Variants in DPYD observed in about 807,000 individuals in gnomAD.
DPYD encodes dihydropyrimidine dehydrogenase [NADP(+)].
Under a neutral mutation model 116.2 loss-of-function variants are expected in DPYD, and 109 were observed. The ratio of observed to expected loss-of-function variants is 0.94; its 90% confidence interval spans 0.80 to 1.10. DPYD has a LOEUF of 1.10. DPYD is among the 50% of genes least tolerant of loss of function. DPYD has a pLI of 0.00. For synonymous variants in DPYD, 440 were observed against 432.0 expected, an observed-to-expected ratio of 1.02 and a Z score of -0.23; for missense variants, 1,302 against 1,254.5, an observed-to-expected ratio of 1.04 and a Z score of -0.57.
At chr1:97,163,034 G>C (rs1178756381) in intron 20 of DPYD, among the ~76,000 whole-genome samples, 5 of 151,318 alleles carry the variant, frequency 3.3e-5, no homozygotes, top group Non-Finnish European at 7.4e-5. Flanking sequence ...AACCCTAGAA[G>C]AAAACCTAGG....
intron 1 of DPYD, among the ~76,000 whole-genome samples, chr1:97,899,555 A>G (rs1673258366): frequency 6.6e-6 from 1 of 151,570 alleles, no homozygotes; most frequent in Non-Finnish European, 1.5e-5. Context: ...TGGTCTTGGA[A>G]CCCCCAATAC....
At chr1:97,235,144 T>G in intron 18 of DPYD, 150 bp from the exon 19 acceptor site, 1 of 862,592 alleles carries the variant, frequency 1.2e-6, no homozygotes, top group Non-Finnish European at 1.8e-6. Flanking sequence ...ACATATGTAG[T>G]GTATAAATGT....
chr1:97,908,965 C>T (rs945910968), intron 1 of DPYD, among the ~76,000 whole-genome samples: 1 of 152,124 alleles, frequency 6.6e-6, no homozygotes, highest in African/African-American at 2.4e-5. Context: ...TTTGCCTGAA[C>T]CCAAGCAGTT....
intron 2 of DPYD, among the ~76,000 whole-genome samples, chr1:97,830,449 C>A (rs530264931): frequency 6.6e-6 from 1 of 152,088 alleles, no homozygotes. Flanking sequence ...CAGAGTGGCT[C>A]ATGCCTGTAA....
At chr1:97,086,534 C>T (rs955164979) in intron 21 of DPYD, among the ~76,000 whole-genome samples, 1 of 152,130 alleles carries the variant, frequency 6.6e-6, no homozygotes, top group Admixed American at 6.5e-5. Flanking sequence ...TATTTTCAAA[C>T]TGTGATTATC....
intron 3 of DPYD, among the ~76,000 whole-genome samples, chr1:97,778,433 A>T (rs2101196166): frequency 6.6e-6 from 1 of 152,228 alleles, no homozygotes; most frequent in South Asian, 2.1e-4. Flanking sequence ...AAGTTTGCAA[A>T]GCTAATGAGT....
At chr1:97,888,286 A>C (rs537607666) in intron 1 of DPYD, among the ~76,000 whole-genome samples, 101 of 152,174 alleles carry the variant, frequency 6.6e-4, no homozygotes, top group Non-Finnish European at 1.2e-3. Flanking sequence ...GCAAACTTAA[A>C]GACAGATCAA....
chr1:97,354,808 C>T (rs1052657505), intron 16 of DPYD, among the ~76,000 whole-genome samples: 1 of 152,284 alleles, frequency 6.6e-6, no homozygotes, highest in Middle Eastern at 3.4e-3. Context: ...CTCATTCATT[C>T]GTTCATTCAT....
intron 5 of DPYD, among the ~76,000 whole-genome samples, chr1:97,700,045 G>A (rs1571211911): frequency 6.6e-6 from 1 of 152,016 alleles, no homozygotes; most frequent in Non-Finnish European, 1.5e-5. Context: ...TTAACTTTGG[G>A]AGAATAATGA....
chr1:97,690,716 T>C (rs1660968392), intron 7 of DPYD, among the ~76,000 whole-genome samples: 2 of 152,074 alleles, frequency 1.3e-5, no homozygotes, highest in Admixed American at 1.3e-4. Flanking sequence ...CACCTCTAAA[T>C]TATCTATTTT....
rs1370025232 is a variant in DPYD at position 97,224,995 on chromosome 1, GTCTGTCTGTCTATCTATCTA to G, written c.2442+9837_2442+9856del. 1.8e-3 allele frequency among the ~76,000 whole-genome samples: 240 copies of G among 132,976 alleles called. 1 individual carries two copies. The highest frequency in any genetic ancestry group is 7.6e-3 in the Middle Eastern group (2 of 264). 87.2% of individuals were successfully genotyped at this position (132,976 alleles called of 152,430 possible). ...GGAGTACAGATCTATCTAACTATCT[GTCTGTCTGTCTATCTATCTA>G]TCTATCTATCTATCTATCTATCTAT... On this transcript the variant is annotated intron_variant, in intron 19 of 22. Coordinates refer to ENST00000370192, the MANE Select transcript of DPYD (RefSeq NM_000110.4).
chr1:97,907,744 C>G (rs1673710760), intron 1 of DPYD, among the ~76,000 whole-genome samples: 1 of 151,954 alleles, frequency 6.6e-6, no homozygotes, highest in African/African-American at 2.4e-5. Context: ...TCCTTCCTTT[C>G]TTCCTTCCAC....
chr1:97,628,425 G>A (rs1274791722), intron 8 of DPYD, among the ~76,000 whole-genome samples: 1 of 152,028 alleles, frequency 6.6e-6, no homozygotes, highest in Non-Finnish European at 1.5e-5. Context: ...GACATTAACA[G>A]TTAAATTATC....
intron 1 of DPYD, among the ~76,000 whole-genome samples, chr1:97,915,003 A>C (rs1057049774): frequency 6.6e-6 from 1 of 152,192 alleles, no homozygotes; most frequent in Admixed American, 6.5e-5. Context: ...TATAATGTAC[A>C]TGATAGACGC....
chr1:97,488,780 C>T (rs1053582438), intron 13 of DPYD, among the ~76,000 whole-genome samples: 2 of 152,202 alleles, frequency 1.3e-5, no homozygotes, highest in Non-Finnish European at 2.9e-5. Flanking sequence ...TCCATGGCAA[C>T]AACCCAACAA....
At chr1:97,703,243 T>C (rs1265030073) in intron 5 of DPYD, among the ~76,000 whole-genome samples, 1 of 152,014 alleles carries the variant, frequency 6.6e-6, no homozygotes, top group Non-Finnish European at 1.5e-5. Context: ...ACCACATTTT[T>C]GTGAATTTCA....
intron 16 of DPYD, among the ~76,000 whole-genome samples, chr1:97,348,003 G>A (rs993764610): frequency 1.3e-5 from 2 of 152,080 alleles, no homozygotes. Context: ...CAGTTAAAAT[G>A]GAAATTAGGA....
chr1:97,272,426 A>C (rs1359078503), intron 18 of DPYD, among the ~76,000 whole-genome samples: 1 of 152,168 alleles, frequency 6.6e-6, no homozygotes, highest in Non-Finnish European at 1.5e-5. Context: ...AAATACTAAA[A>C]TAGATAACCT....
intron 5 of DPYD, chr1:97,721,010 A>G (rs968687937): frequency 1.1e-5 from 17 of 1,521,964 alleles, no homozygotes; most frequent in Admixed American, 2.2e-5. Context: ...CTTCCAATCT[A>G]TAAGTTCACA....
Sources: gnomAD v4.1 joint callset for allele counts (sites outside exome capture counted in the v4.1 genomes callset) on GRCh38, gnomAD v4.1.1 for gene constraint, MANE v1.5 for transcripts, NCBI Gene and HGNC (gene_info 2026-07-23, HGNC 2026-07-21) for gene names.